Variants in TMEM108 observed in about 807,000 individuals in gnomAD.
The protein encoded by TMEM108 is transmembrane protein 108, also known as cancer/testis antigen 124.
Under a neutral mutation model 35.1 loss-of-function variants are expected in TMEM108, and 12 were observed. That is an observed-to-expected ratio of 0.34 (90% confidence interval 0.22 to 0.55). The LOEUF is 0.55. Ranked by LOEUF, TMEM108 falls within the 20% of genes least tolerant of loss-of-function variation. The pLI is 0.89. For missense variants in TMEM108, 680 were observed against 753.3 expected, an observed-to-expected ratio of 0.90 and a Z score of 1.14; for synonymous variants, 287 against 308.6, an observed-to-expected ratio of 0.93 and a Z score of 0.73.
intron 1 of TMEM108, among the ~76,000 whole-genome samples, chr3:133,039,704 A>T (rs750687669): frequency 3.9e-5 from 6 of 152,206 alleles, no homozygotes; most frequent in Non-Finnish European, 8.8e-5. Flanking sequence ...CATTATGAAG[A>T]TATTACTGTG....
At chr3:133,039,590 C>T (rs1043227880) in intron 1 of TMEM108, among the ~76,000 whole-genome samples, 4 of 152,196 alleles carry the variant, frequency 2.6e-5, no homozygotes, top group Admixed American at 2.6e-4. Context: ...CCCCAGACAG[C>T]TCATAGGCAA....
chr3:133,166,382 TAA>T (rs902654216), intron 2 of TMEM108, among the ~76,000 whole-genome samples: 1 of 152,204 alleles, frequency 6.6e-6, no homozygotes, highest in African/African-American at 2.4e-5. Context: ...TACTCATAAA[TAA>T]AGAGTTTTGT....
At chr3:133,252,720 T>A (rs138982084) in intron 3 of TMEM108, among the ~76,000 whole-genome samples, 1 of 152,114 alleles carries the variant, frequency 6.6e-6, no homozygotes, top group Non-Finnish European at 1.5e-5. Context: ...ATGAGTAGAT[T>A]TGGAGACTTC....
At chr3:133,309,734 T>C (rs1310052063) in intron 3 of TMEM108, among the ~76,000 whole-genome samples, 3 of 134,328 alleles carry the variant, frequency 2.2e-5, no homozygotes, top group South Asian at 2.6e-4. Context: ...GGAGTCTCGC[T>C]CTGTCGCCCA....
At chr3:133,069,201 G>C (rs1943647428) in intron 2 of TMEM108, among the ~76,000 whole-genome samples, 1 of 152,188 alleles carries the variant, frequency 6.6e-6, no homozygotes, top group Non-Finnish European at 1.5e-5. Flanking sequence ...CTTTACTTAA[G>C]AATGCAATTT....
intron 2 of TMEM108, among the ~76,000 whole-genome samples, chr3:133,068,468 A>G (rs1440019100): frequency 6.6e-6 from 1 of 152,092 alleles, no homozygotes; most frequent in Non-Finnish European, 1.5e-5. Flanking sequence ...TGTTTGGAGG[A>G]CTGTGGCAAG....
At chr3:133,206,933 G>A (rs1457997724) in intron 2 of TMEM108, among the ~76,000 whole-genome samples, 1 of 152,218 alleles carries the variant, frequency 6.6e-6, no homozygotes, top group African/African-American at 2.4e-5. Context: ...CTGTATCCCA[G>A]GGAGATGGGA....
intron 2 of TMEM108, among the ~76,000 whole-genome samples, chr3:133,185,759 C>T (rs182764188): frequency 4.5e-5 from 6 of 134,228 alleles, no homozygotes; most frequent in East Asian, 2.3e-4. Context: ...GGGGACCTTG[C>T]GTTTCTTTTC....
At chr3:133,227,800 C>G (rs1318067002) in intron 2 of TMEM108, among the ~76,000 whole-genome samples, 1 of 151,920 alleles carries the variant, frequency 6.6e-6, no homozygotes, top group African/African-American at 2.4e-5. Flanking sequence ...GAGGCTGAGG[C>G]ACGAGAATCA....
chr3:133,230,032 A>G (rs545527987), intron 3 of TMEM108, among the ~76,000 whole-genome samples: 2 of 152,350 alleles, frequency 1.3e-5, no homozygotes, highest in South Asian at 4.1e-4. Flanking sequence ...GCCAAAACCA[A>G]TTGGTGGGTT....
At chr3:133,154,215 A>G (rs1576348604) in intron 2 of TMEM108, among the ~76,000 whole-genome samples, 1 of 151,978 alleles carries the variant, frequency 6.6e-6, no homozygotes, top group East Asian at 1.9e-4. Context: ...GTAGGTTGCA[A>G]AAATTTTCTC....
intron 3 of TMEM108, among the ~76,000 whole-genome samples, chr3:133,251,200 T>C (rs1463161777): frequency 6.6e-6 from 1 of 152,204 alleles, no homozygotes; most frequent in Non-Finnish European, 1.5e-5. Context: ...GTCTGTTATA[T>C]GTGCAAGTAT....
chr3:133,381,865 C>T (rs1239034067), intron 4 of TMEM108, among the ~76,000 whole-genome samples: 1 of 152,112 alleles, frequency 6.6e-6, no homozygotes, highest in East Asian at 1.9e-4. Context: ...TCCACCCCCA[C>T]CCCACTTTAT....
chr3:133,382,813 A>G (rs2073048632), intron 4 of TMEM108, among the ~76,000 whole-genome samples: 1 of 152,126 alleles, frequency 6.6e-6, no homozygotes, highest in African/African-American at 2.4e-5. Flanking sequence ...AGATCTTTTT[A>G]TATCCGGAGT....
chr3:133,387,540 G>A (rs868078549), intron 4 of TMEM108: 1 of 985,324 alleles, frequency 1.0e-6, no homozygotes, highest in East Asian at 1.1e-4. Flanking sequence ...TAGAGCACTG[G>A]ACTCGGGGGC....
intron 2 of TMEM108, among the ~76,000 whole-genome samples, chr3:133,149,054 TAAGAG>T (rs1185669625): frequency 6.6e-6 from 1 of 152,020 alleles, no homozygotes; most frequent in Non-Finnish European, 1.5e-5. Flanking sequence ...GCTTATATAA[TAAGAG>T]AAGAAAACAC....
intron 4 of TMEM108, among the ~76,000 whole-genome samples, chr3:133,385,447 C>T (rs983344154): frequency 7.2e-5 from 11 of 152,164 alleles, no homozygotes; most frequent in African/African-American, 2.2e-4. Flanking sequence ...TTCCCGCCTG[C>T]CAGGCTGGTG....
chr3:133,109,586 T>G (rs1289688575), intron 2 of TMEM108, among the ~76,000 whole-genome samples: 1 of 152,244 alleles, frequency 6.6e-6, no homozygotes, highest in Non-Finnish European at 1.5e-5. Flanking sequence ...TTGGAAACTT[T>G]ATGCACTGTT....
chr3:133,224,993 C>T (rs1386778892), intron 2 of TMEM108, among the ~76,000 whole-genome samples: 2 of 151,920 alleles, frequency 1.3e-5, no homozygotes, highest in East Asian at 1.9e-4. Context: ...TTTCTAGACC[C>T]TTTAACTCCT....
Sources: gnomAD v4.1 joint callset for allele counts (sites outside exome capture counted in the v4.1 genomes callset) on GRCh38, gnomAD v4.1.1 for gene constraint, MANE v1.5 for transcripts, NCBI Gene and HGNC (gene_info 2026-07-23, HGNC 2026-07-21) for gene names.